The following PCDHA12 variants were observed in gnomAD, a reference collection of about 807,000 sequenced individuals.
The protein encoded by PCDHA12 is protocadherin alpha-12.
PCDHA12 carries 44 observed loss-of-function variants against 60.0 expected under a neutral mutation model. The ratio of observed to expected loss-of-function variants is 0.73; its 90% CI spans 0.58 to 0.94. The LOEUF is 0.94. Ranked by LOEUF, PCDHA12 falls within the 40% of genes least tolerant of loss-of-function variation. The pLI is 0.00. For synonymous variants in PCDHA12, 569 were observed against 553.0 expected (o/e 1.03, Z -0.40); for missense variants, 1,276 against 1,239.7 (o/e 1.03, Z -0.44).
At chr5:140,962,565 C>G (rs2095693012) in intron 1 of PCDHA12, among the ~76,000 whole-genome samples, 1 of 152,130 alleles carries the variant, frequency 6.6e-6, no homozygotes, top group African/African-American at 2.4e-5. Flanking sequence ...CCCCTAAAAG[C>G]CAATTGTTAA....
At chr5:140,966,405 A>G (rs562045428) in intron 1 of PCDHA12, 6 of 404,248 alleles carry the variant, frequency 1.5e-5, no homozygotes, top group African/African-American at 1.2e-4. Context: ...TCGGCGCGGA[A>G]TCAGAGCAGG....
At chr5:140,888,443 A>C (rs1374471673) in intron 1 of PCDHA12, among the ~76,000 whole-genome samples, 2 of 152,172 alleles carry the variant, frequency 1.3e-5, no homozygotes, top group Non-Finnish European at 2.9e-5. Context: ...GCCGCCCAAC[A>C]ATAAAGAATT....
At chr5:140,967,029 G>T in intron 1 of PCDHA12, 1 of 1,609,056 alleles carries the variant, frequency 6.2e-7, no homozygotes, top group Non-Finnish European at 8.5e-7. Context: ...CCCAGTCCGC[G>T]CTACCTGGAG....
In PCDHA12 at chr5:141,009,914, A is replaced by T; in HGVS notation, c.2803A>T (p.Thr935Ser). The change falls in exon 4 of 4, where the codon ACG (threonine) becomes TCG (serine). Residue 935 changes from threonine (T) to serine (S), a missense_variant. Thr to Ser is a moderately conservative substitution (Grantham distance 58). Coordinates refer to ENST00000398631, the MANE Select transcript of PCDHA12 (RefSeq NM_018903.4). ...GGAGAAAAAAGAGAAAGGGAACAGCACGACTGACAACAGTGACCAGTGAGG... is the reference window on the plus strand; with the variant it reads ...GGAGAAAAAAGAGAAAGGGAACAGCTCGACTGACAACAGTGACCAGTGAGG... ...TQEKKEKGNSTTDNSDQ is the reference protein window; with the variant it reads ...TQEKKEKGNSSTDNSDQ The T allele has an allele frequency of 6.2e-7, 1 of 1,611,466 alleles. No homozygotes were observed. The highest frequency in any genetic ancestry group is 8.5e-7 in the Non-Finnish European group (1 of 1,179,328).
intron 1 of PCDHA12, among the ~76,000 whole-genome samples, chr5:140,885,740 GTTACT>G (rs1554182262): frequency 2.6e-5 from 4 of 152,016 alleles, no homozygotes; most frequent in African/African-American, 9.7e-5. Context: ...ATATTTCACT[GTTACT>G]TTAATTTTAA....
At chr5:141,003,988 C>T (rs1554259401) in intron 3 of PCDHA12, among the ~76,000 whole-genome samples, 1 of 152,120 alleles carries the variant, frequency 6.6e-6, no homozygotes, top group African/African-American at 2.4e-5. Context: ...TGCCGGAGAT[C>T]CTAGAAGGGA....
At chr5:140,950,439 G>A (rs1448812695) in intron 1 of PCDHA12, among the ~76,000 whole-genome samples, 1 of 151,962 alleles carries the variant, frequency 6.6e-6, no homozygotes, top group Non-Finnish European at 1.5e-5. Context: ...TAAAAAAAAT[G>A]TTATTCTACT....
chr5:140,961,343 T>C (rs2095605708), intron 1 of PCDHA12, among the ~76,000 whole-genome samples: 1 of 152,210 alleles, frequency 6.6e-6, no homozygotes, highest in South Asian at 2.1e-4. Flanking sequence ...CAAGAGTGGA[T>C]CCCTGTAGTC....
chr5:140,876,217 G>A lies in PCDHA12; in HGVS notation c.745G>A (p.Val249Ile), dbSNP rs976376933. The A allele has an allele frequency of 6.2e-7, 1 of 1,614,006 alleles. No homozygotes were observed. ...GPAFDKPSYKVVLSENVQNDT... is the reference protein window; with the variant it reads ...GPAFDKPSYKIVLSENVQNDT... ...GGCGTTTGATAAGCCCAGCTATAAA[G>A]TAGTGTTGTCTGAAAATGTCCAAAA... is the stretch of plus-strand genomic sequence containing the variant. Residue 249 changes from valine to isoleucine, a missense_variant, in exon 1 of 4, where the codon GTA becomes ATA. Transcript: ENST00000398631.
At chr5:140,926,115 A>G (rs1554203115) in intron 1 of PCDHA12, among the ~76,000 whole-genome samples, 1 of 152,134 alleles carries the variant, frequency 6.6e-6, no homozygotes, top group East Asian at 1.9e-4. Context: ...AGGGTGCAGG[A>G]CAGACTTCAA....
chr5:140,887,654 G>A (rs2061529435), intron 1 of PCDHA12, among the ~76,000 whole-genome samples: 1 of 151,712 alleles, frequency 6.6e-6, no homozygotes, highest in South Asian at 2.1e-4. Context: ...TGATATTCTT[G>A]GATCTGTGGA....
chr5:140,928,000 G>C, intron 1 of PCDHA12: 1 of 1,614,166 alleles, frequency 6.2e-7, no homozygotes. Flanking sequence ...TGAAGACCTC[G>C]ATTCTAATGG....
At chr5:140,959,999 A>G (rs564390780) in intron 1 of PCDHA12, among the ~76,000 whole-genome samples, 2 of 152,318 alleles carry the variant, frequency 1.3e-5, no homozygotes, top group African/African-American at 4.8e-5. Flanking sequence ...ATGAAATACA[A>G]ATCTATTTTG....
In PCDHA12 at chr5:140,978,905, T is replaced by C. The variant is rs782532288; in HGVS notation, c.2368-44T>C. 9 of 1,613,632 alleles carry C rather than the reference T, an allele frequency of 5.6e-6. No homozygotes were observed. In the South Asian group the frequency reaches 9.9e-5, roughly 18 times the overall value. On this transcript the variant is annotated intron_variant, in intron 1 of 3. Coordinates refer to ENST00000398631, the MANE Select transcript of PCDHA12 (RefSeq NM_018903.4). ...AATTAGCAGCATTCCTGGGAGAACA[T>C]TGTCTTGTCATTTTAACAGAAAACT...
At chr5:140,961,975 C>T (rs1241757389) in intron 1 of PCDHA12, among the ~76,000 whole-genome samples, 1 of 152,034 alleles carries the variant, frequency 6.6e-6, no homozygotes, top group Non-Finnish European at 1.5e-5. Flanking sequence ...CCTCCGCCTC[C>T]TGGGTTCACG....
At chr5:140,976,011 C>A (rs983997714) in intron 1 of PCDHA12, among the ~76,000 whole-genome samples, 10 of 152,230 alleles carry the variant, frequency 6.6e-5, no homozygotes, top group Admixed American at 1.3e-4. Flanking sequence ...TATTAAAGAA[C>A]TAAATAATCA....
At chr5:140,994,631 G>A (rs978359081) in intron 3 of PCDHA12, among the ~76,000 whole-genome samples, 1 of 152,106 alleles carries the variant, frequency 6.6e-6, no homozygotes, top group Non-Finnish European at 1.5e-5. Flanking sequence ...CTTGAACCTG[G>A]AAGGTGGAGG....
chr5:140,919,352 T>G (rs1406850241), intron 1 of PCDHA12, among the ~76,000 whole-genome samples: 1 of 152,222 alleles, frequency 6.6e-6, no homozygotes, highest in Non-Finnish European at 1.5e-5. Flanking sequence ...TCTTTGAATC[T>G]AAAAGTGTCT....
At chr5:140,944,378 A>G (rs1204116678) in intron 1 of PCDHA12, among the ~76,000 whole-genome samples, 1 of 151,884 alleles carries the variant, frequency 6.6e-6, no homozygotes, top group Admixed American at 6.6e-5. Flanking sequence ...ATAGAGATGG[A>G]GTCTCACTGT....
Sources: allele counts gnomAD v4.1 joint callset (sites outside exome capture counted in the v4.1 genomes callset), GRCh38; gene constraint gnomAD v4.1.1; transcripts MANE v1.5; gene names NCBI Gene and HGNC (gene_info 2026-07-23, HGNC 2026-07-21).